The following LRIG1 variants were observed in gnomAD, a reference collection of about 807,000 sequenced individuals.
LRIG1 encodes the protein leucine-rich repeats and immunoglobulin-like domains protein 1.
LRIG1 carries 48 observed loss-of-function variants against 99.2 expected under a neutral mutation model. The observed-to-expected ratio is 0.48, with a 90% CI of 0.38 to 0.62. The LOEUF is 0.62. Among genes scored for constraint, LRIG1 ranks in the 20% least tolerant of loss-of-function variants. LRIG1 has a pLI of 0.00. For missense variants in LRIG1, 1,646 were observed against 1,434.4 expected (o/e 1.15, Z -2.38); for synonymous variants, 772 against 596.1 (o/e 1.29, Z -4.30).
intron 8 of LRIG1, among the ~76,000 whole-genome samples, chr3:66,405,580 CGA>C (rs2106644539): frequency 6.6e-6 from 1 of 152,316 alleles, no homozygotes; most frequent in African/African-American, 2.4e-5. Context: ...TATTCTGCCC[CGA>C]GAGAGCGGAC....
intron 1 of LRIG1, among the ~76,000 whole-genome samples, chr3:66,469,724 T>G (rs1444286172): frequency 6.6e-6 from 1 of 152,082 alleles, no homozygotes; most frequent in Non-Finnish European, 1.5e-5. Flanking sequence ...GATAACAAAT[T>G]AGGATAAGAT....
chr3:66,492,387 G>A (rs533331427), intron 1 of LRIG1, among the ~76,000 whole-genome samples: 1 of 152,230 alleles, frequency 6.6e-6, no homozygotes, highest in East Asian at 1.9e-4. Flanking sequence ...GCTGCATAAA[G>A]GAGTCTTAGA....
intron 13 of LRIG1, 96 bp from the exon 14 acceptor site, chr3:66,384,368 G>A: frequency 2.3e-6 from 3 of 1,311,834 alleles, no homozygotes; most frequent in East Asian, 2.3e-5. Flanking sequence ...TGTGCCCAGT[G>A]CCAGTTCACT....
chr3:66,406,438 C>T, intron 8 of LRIG1: 1 of 985,250 alleles, frequency 1.0e-6, no homozygotes, highest in Non-Finnish European at 1.2e-6. Context: ...GCTGACCTGG[C>T]CTGAATAGCT....
intron 12 of LRIG1, among the ~76,000 whole-genome samples, chr3:66,391,852 T>C (rs1701633034): frequency 6.6e-6 from 1 of 152,256 alleles, no homozygotes; most frequent in Non-Finnish European, 1.5e-5. Flanking sequence ...TACAATTCAA[T>C]GGTTTTTAGT....
chr3:66,446,721 T>C (rs1559803709), intron 3 of LRIG1, among the ~76,000 whole-genome samples: 1 of 152,078 alleles, frequency 6.6e-6, no homozygotes, highest in African/African-American at 2.4e-5. Context: ...ATCCCTTTCA[T>C]TTAATCACTT....
chr3:66,416,608 T>C (rs1472010333), intron 4 of LRIG1, among the ~76,000 whole-genome samples: 3 of 152,092 alleles, frequency 2.0e-5, no homozygotes, highest in Non-Finnish European at 4.4e-5. Context: ...AACAGACAAA[T>C]CTAAAAGGTG....
At chr3:66,460,140 G>A (rs1297741175) in intron 2 of LRIG1, among the ~76,000 whole-genome samples, 1 of 152,058 alleles carries the variant, frequency 6.6e-6, no homozygotes, top group African/African-American at 2.4e-5. Context: ...GTTCACTCTT[G>A]TAGCCCCAGC....
intron 1 of LRIG1, among the ~76,000 whole-genome samples, chr3:66,464,269 A>G (rs1249753163): frequency 6.6e-6 from 1 of 152,116 alleles, no homozygotes; most frequent in Non-Finnish European, 1.5e-5. Flanking sequence ...GCAGGAAGGG[A>G]TATTAGAGAA....
At chr3:66,411,424 T>C (rs1291194496) in intron 6 of LRIG1, among the ~76,000 whole-genome samples, 3 of 152,240 alleles carry the variant, frequency 2.0e-5, no homozygotes, top group Non-Finnish European at 4.4e-5. Flanking sequence ...CATTTTCCTC[T>C]GAGAATTCTC....
chr3:66,392,917 G>T (rs1029708460), intron 12 of LRIG1, among the ~76,000 whole-genome samples: 1 of 152,218 alleles, frequency 6.6e-6, no homozygotes, highest in East Asian at 1.9e-4. Flanking sequence ...CCACACAGAA[G>T]GCTCCATAAG....
intron 1 of LRIG1, among the ~76,000 whole-genome samples, chr3:66,462,754 CTATT>C (rs1700383813): frequency 6.6e-6 from 1 of 152,150 alleles, no homozygotes; most frequent in Non-Finnish European, 1.5e-5. Context: ...TATCATTTCA[CTATT>C]TAACAACTTG....
At chr3:66,418,575 C>T (rs1254267211) in intron 3 of LRIG1, among the ~76,000 whole-genome samples, 1 of 152,208 alleles carries the variant, frequency 6.6e-6, no homozygotes, top group African/African-American at 2.4e-5. Context: ...ACTTAGGAAT[C>T]TGCTGGGTGG....
intron 1 of LRIG1, among the ~76,000 whole-genome samples, chr3:66,499,984 C>T (rs939644844): frequency 7.2e-5 from 11 of 152,014 alleles, no homozygotes; most frequent in African/African-American, 2.7e-4. Context: ...CTTCTCCAGG[C>T]TCTCTCGCAC....
intron 11 of LRIG1, among the ~76,000 whole-genome samples, chr3:66,396,849 T>C (rs1701871054): frequency 6.6e-6 from 1 of 152,222 alleles, no homozygotes; most frequent in African/African-American, 2.4e-5. Context: ...CTACAACCAA[T>C]GTTTCATTCC....
At chr3:66,410,635 C>T (rs907891608) in intron 6 of LRIG1, among the ~76,000 whole-genome samples, 4 of 152,062 alleles carry the variant, frequency 2.6e-5, no homozygotes, top group South Asian at 2.1e-4. Context: ...CTCGGGAGTT[C>T]GAGACCAGCA....
At chr3:66,401,879 G>C (rs1162387714) in intron 9 of LRIG1, among the ~76,000 whole-genome samples, 1 of 152,160 alleles carries the variant, frequency 6.6e-6, no homozygotes, top group Non-Finnish European at 1.5e-5. Flanking sequence ...CCAAAGGCCT[G>C]GTTAGCGCTT....
At chr3:66,398,086 C>G in intron 11 of LRIG1, 26 bp downstream of exon 11, 4 of 1,583,694 alleles carry the variant, frequency 2.5e-6, no homozygotes, top group Non-Finnish European at 3.5e-6. Flanking sequence ...TACCATTAAT[C>G]AGACCCAGGG....
At chr3:66,463,042 TGG>T (rs1412483691) in intron 1 of LRIG1, among the ~76,000 whole-genome samples, 1 of 151,268 alleles carries the variant, frequency 6.6e-6, no homozygotes, top group East Asian at 1.9e-4. Flanking sequence ...TGGCAGGGAG[TGG>T]GGGGTGTTAC....
Sources: allele counts gnomAD v4.1 joint callset (sites outside exome capture counted in the v4.1 genomes callset), GRCh38; gene constraint gnomAD v4.1.1; transcripts MANE v1.5; gene names NCBI Gene and HGNC (gene_info 2026-07-23, HGNC 2026-07-21).